Variants in TCP10L observed in about 807,000 individuals in gnomAD.
TCP10L encodes t-complex 10 like.
Under a neutral mutation model 19.2 loss-of-function variants are expected in TCP10L, and 11 were observed. The ratio of observed to expected loss-of-function variants is 0.57; its 90% CI spans 0.36 to 0.95. The LOEUF (loss-of-function observed/expected upper bound fraction) is 0.95, where lower values mean the gene tolerates loss of function less well. Ranked by LOEUF, TCP10L falls within the 40% of genes least tolerant of loss-of-function variation. The pLI, the probability that TCP10L is intolerant of heterozygous loss-of-function variation, is 0.01. For synonymous variants in TCP10L, 96 were observed against 97.2 expected, an observed-to-expected ratio of 0.99 and a Z score of 0.07; for missense variants, 247 against 263.9, an observed-to-expected ratio of 0.94 and a Z score of 0.44.
In TCP10L at chr21:32,582,233, C is replaced by A. The variant is rs138943358; in HGVS notation, c.327G>T (p.Ala109=). 3.1e-6 allele frequency: 5 copies of A among 1,614,168 alleles called. No individual in the cohort carries two copies. Among genetic ancestry groups the A allele is most frequent in the Non-Finnish European group, 4.2e-6 (5 of 1,180,034 alleles). The change falls in exon 3 of 5, where the codon GCG becomes GCT. Residue 109 remains alanine, a synonymous_variant. Coordinates refer to ENST00000300258, the MANE Select transcript of TCP10L (RefSeq NM_144659.7). The surrounding 1 kb of genome is among the most constrained non-coding windows in gnomAD (Gnocchi z 4.2). ...GCGATTCTTGCCCCGCGTGTGGGGA[C>A]GCTGCAGATTTCTTCCTGGCTTTCC... ...QRWKARKKSA[A]SPHAGQESHT...
chr21:32,583,984 C>T (rs1475218821), intron 2 of TCP10L, among the ~76,000 whole-genome samples, 177 bp downstream of exon 2: 4 of 152,162 alleles, frequency 2.6e-5, no homozygotes, highest in Admixed American at 2.0e-4. Flanking sequence ...CCAAGAGATA[C>T]GGTTGCAGAG....
intron 2 of TCP10L, among the ~76,000 whole-genome samples, chr21:32,583,292 A>C (rs1300642472): frequency 6.6e-6 from 1 of 151,702 alleles, no homozygotes; most frequent in Non-Finnish European, 1.5e-5. Flanking sequence ...TCAATAGTTT[A>C]AAAATTATGG....
rs1360274838 is a variant in TCP10L at position 32,582,401 on chromosome 21, C to T, written c.159G>A (p.Gln53=). The change falls in exon 3 of 5, where the codon CAG becomes CAA. Residue 53 remains glutamine (Q), a synonymous_variant. Coordinates refer to ENST00000300258, the MANE Select transcript of TCP10L (RefSeq NM_144659.7). The surrounding 1 kb of genome is among the most constrained non-coding windows in gnomAD (Gnocchi z 4.2). ...NTGEMPPLQQ[Q]IIRLHQELGR... is the part of the protein sequence containing the mutation. ...CAAGCTCTTGGTGGAGTCTGATGAT[C>T]TGCTGCTGTAATGGCTGTTATTGGG... 1 of 1,612,816 alleles carries T rather than the reference C, an allele frequency of 6.2e-7. No homozygotes were observed. The highest frequency in any genetic ancestry group is 1.7e-5 in the Admixed American group (1 of 59,700).
rs1391265584 is a variant in TCP10L at position 32,584,179 on chromosome 21, G to T, written c.126C>A (p.Cys42Ter). 2 of 1,613,676 alleles carry T rather than the reference G, an allele frequency of 1.2e-6. No individual in the cohort carries two copies. The highest frequency in any genetic ancestry group is 1.1e-5 in the South Asian group (1 of 91,010). Reference protein sequence around the residue: ...AVAAEVLTEDCNTGEMPPLQQ... With the variant: ...AVAAEVLTED The stretch of plus-strand genomic sequence containing the variant: ...AACTCACTGGCATCTCCCCAGTGTT[G>T]CAGTCCTCCGTGAGAACCTCGGCTG... Residue 42 changes from cysteine (C) to a stop codon, truncating the protein, a stop_gained, in exon 2 of 5, where the codon TGC becomes TGA. Transcript: ENST00000300258. LOFTEE classifies it high-confidence loss of function.
At chr21:32,583,589 A>C (rs2038522707) in intron 2 of TCP10L, among the ~76,000 whole-genome samples, 1 of 42,578 alleles carries the variant, frequency 2.3e-5, no homozygotes, top group Non-Finnish European at 4.3e-5. Flanking sequence ...ACTCCGTCTC[A>C]AAAAAAAAAA....
In TCP10L at chr21:32,584,146, C is replaced by A; in HGVS notation, c.144+15G>T. 1 of 1,606,362 alleles carries A rather than the reference C, an allele frequency of 6.2e-7. No individual in the cohort carries two copies. Among genetic ancestry groups the A allele is most frequent in the Non-Finnish European group, 8.5e-7 (1 of 1,174,820 alleles). On this transcript the variant is annotated intron_variant, in intron 2 of 4. Coordinates refer to ENST00000300258, the MANE Select transcript of TCP10L (RefSeq NM_144659.7). ...CCTGGTGGGACTAACTCTGTCCCCA[C>A]AGAGCTCAACTCACTGGCATCTCCC...
intron 2 of TCP10L, among the ~76,000 whole-genome samples, chr21:32,583,180 A>G (rs1428028370): frequency 6.6e-6 from 1 of 151,672 alleles, no homozygotes; most frequent in Admixed American, 6.6e-5. Context: ...GATTACAGGC[A>G]CATGCCACCA....
rs531503918 is a variant in TCP10L, at chr21:32,584,091, C to T, written c.144+70G>A. On this transcript the variant is annotated intron_variant, in intron 2 of 4. Coordinates refer to ENST00000300258, the MANE Select transcript of TCP10L (RefSeq NM_144659.7). ...GGTCCAGCAAGGGAAAGTCCAATGA[C>T]GGGCCTCAGGGACAGGAATCAGGGT... 68 of 1,533,408 alleles carry T rather than the reference C, an allele frequency of 4.4e-5. No homozygotes were observed. In the African/African-American group the frequency reaches 5.8e-4, roughly 13 times the overall value. The allele number at this position is 1,533,408 out of a possible 1,614,324, so 95.0% of individuals were successfully genotyped here.
chr21:32,576,248 T>C lies in TCP10L; in HGVS notation c.*526A>G. On this transcript the variant is annotated 3_prime_UTR_variant, in exon 5 of 5. Coordinates refer to ENST00000300258, the MANE Select transcript of TCP10L (RefSeq NM_144659.7). ...GCTGCTGCCATCTGCTCCTGCAGCA[T>C]GGCGGCCTGGGAAGCCTGCACTGGT... 1 of 1,565,308 alleles carries C rather than the reference T, an allele frequency of 6.4e-7. No homozygotes were observed. The highest frequency in any genetic ancestry group is 8.7e-7 in the Non-Finnish European group (1 of 1,144,972).
intron 3 of TCP10L, among the ~76,000 whole-genome samples, chr21:32,581,408 A>AGCCCTCTGTCCTTGTGATAAG (rs1175675393): frequency 6.6e-6 from 1 of 152,166 alleles, no homozygotes; most frequent in Non-Finnish European, 1.5e-5. Flanking sequence ...GGATACAGAA[A>AGCCCTCTGTCCTTGTGATAAG]GCCCTCTGTC....
chr21:32,585,143 G>T (rs973976174), intron 1 of TCP10L, among the ~76,000 whole-genome samples: 5 of 152,192 alleles, frequency 3.3e-5, no homozygotes, highest in African/African-American at 1.2e-4. Flanking sequence ...ACAGTGATCG[G>T]AGAAATGCTA....
intron 3 of TCP10L, among the ~76,000 whole-genome samples, chr21:32,579,172 A>C (rs1286096395): frequency 1.3e-5 from 2 of 152,238 alleles, no homozygotes. Flanking sequence ...ACGGAGGAAG[A>C]AAATGTGATA....
Position 32,578,118 on chromosome 21 carries a change from AT to A in TCP10L, c.498+575del, listed in dbSNP as rs914183559. Among the ~76,000 whole-genome samples the A allele has an allele frequency of 1.3e-5, 2 of 152,264 alleles. No homozygotes were observed. Among genetic ancestry groups the A allele is most frequent in the African/African-American group, 4.8e-5 (2 of 41,476 alleles). On this transcript the variant is annotated intron_variant, in intron 4 of 4. Coordinates refer to ENST00000300258, the MANE Select transcript of TCP10L (RefSeq NM_144659.7). The surrounding 1 kb of genome is among the most constrained non-coding windows in gnomAD (Gnocchi z 4.2). ...TAAACCCACAACCTTCAGCGTGGGC[AT>A]CATGGCCATCACGAACATGTCACAG...
chr21:32,579,334 C>A (rs1168323282), intron 3 of TCP10L, among the ~76,000 whole-genome samples: 2 of 152,144 alleles, frequency 1.3e-5, no homozygotes, highest in Non-Finnish European at 2.9e-5. Context: ...CACCGTTCTG[C>A]CCTCTGAGGA....
Position 32,576,776 on chromosome 21 carries a change from A to T in TCP10L, c.646T>A (p.Ter216ArgextTer45), listed in dbSNP as rs1192832182. 6.2e-7 allele frequency: 1 copy of T among 1,612,266 alleles called. No individual in the cohort carries two copies. Among genetic ancestry groups the T allele is most frequent in the Admixed American group, 1.7e-5 (1 of 59,582 alleles). Residue 216 changes from the stop codon to arginine (R), a stop_lost, in exon 5 of 5, where the codon TGA becomes AGA. Coordinates refer to ENST00000300258, the MANE Select transcript of TCP10L (RefSeq NM_144659.7). Reference protein sequence around the residue: ...TPCAERRGGV* With the variant: ...TPCAERRGGVR ...TGTCCGAGGCCACCTTTCCATCTTCAGACACCCCCCCGTCTCTCTGCACAG... is the reference window on the plus strand; with the variant it reads ...TGTCCGAGGCCACCTTTCCATCTTCTGACACCCCCCCGTCTCTCTGCACAG...
At position 32,578,910 on chromosome 21, in the gene TCP10L, T is replaced by A. The variant is rs1264584889; in HGVS notation, c.361-79A>T. The A allele has an allele frequency of 6.2e-7, 1 of 1,604,504 alleles. No homozygotes were observed. The highest frequency in any genetic ancestry group is 8.5e-7 in the Non-Finnish European group (1 of 1,175,064). ...CAAATTTTAATACAATGAAGAATAA[T>A]TGGAATGTCCTAGAAAAAAATAGGG... On this transcript the variant is annotated intron_variant, in intron 3 of 4. Transcript: ENST00000300258. This position sits in a 1 kb window ranked among gnomAD's most constrained non-coding sequence, Gnocchi z 4.2.
At position 32,582,383 on chromosome 21, in the gene TCP10L, T is replaced by C. The variant is rs947088445; in HGVS notation, c.177A>G (p.Gln59=). The C allele has an allele frequency of 2.5e-6, 4 of 1,613,684 alleles. No homozygotes were observed. The African/African-American group carries it at 5.3e-5, about 22-fold the overall frequency. The change falls in exon 3 of 5, where the codon CAA becomes CAG. Residue 59 remains glutamine (Q), a synonymous_variant. Coordinates refer to ENST00000300258, the MANE Select transcript of TCP10L (RefSeq NM_144659.7). The surrounding 1 kb of genome is among the most constrained non-coding windows in gnomAD (Gnocchi z 4.2). ...PLQQQIIRLH[Q]ELGRQKSLWA... is the part of the protein sequence containing the mutation. ...ACAGAGACTTCTGTCTCCCAAGCTC[T>C]TGGTGGAGTCTGATGATCTGCTGCT...
chr21:32,576,892 G>T lies in TCP10L; in HGVS notation c.530C>A (p.Ser177Ter), dbSNP rs748566424. 6.2e-7 allele frequency: 1 copy of T among 1,613,756 alleles called. No homozygotes were observed. The highest frequency in any genetic ancestry group is 8.5e-7 in the Non-Finnish European group (1 of 1,179,960). Residue 177 changes from serine to a stop codon, truncating the protein, a stop_gained, in exon 5 of 5, where the codon TCG (serine) becomes TAG (stop). Coordinates refer to ENST00000300258, the MANE Select transcript of TCP10L (RefSeq NM_144659.7). LOFTEE classifies it low-confidence loss of function (END_TRUNC). ...PMSLKIERIS[S>*]WKTPPQENRD... ...ATTTTCCTGTGGTGGTGTTTTCCAC[G>T]AGCTAATTCTTTCTATCTTTAAACT...
In TCP10L at chr21:32,574,073, T is replaced by G. The variant is rs1470570975; in HGVS notation, c.*2701A>C. On this transcript the variant is annotated 3_prime_UTR_variant, in exon 5 of 5. Transcript: ENST00000300258. The stretch of plus-strand genomic sequence containing the variant: ...ACAAGCGGGACCTGTGTTCCCAGAC[T>G]TCCCCGCCAGGTGCCTACTTACATC... 3.3e-5 allele frequency: 5 copies of G among 152,106 alleles called. No homozygotes were observed. The highest frequency in any genetic ancestry group is 7.4e-5 in the Non-Finnish European group (5 of 68,004). The allele number at this position is 152,106 out of a possible 1,614,324, so 9.4% of individuals were successfully genotyped here.
Sources: allele counts gnomAD v4.1 joint callset (sites outside exome capture counted in the v4.1 genomes callset), GRCh38; gene constraint gnomAD v4.1.1; non-coding constraint Gnocchi (gnomAD v3.1); transcripts MANE v1.5; gene names NCBI Gene and HGNC (gene_info 2026-07-23, HGNC 2026-07-21).